Variants in PTPRT observed in about 807,000 individuals in gnomAD.
PTPRT encodes the protein receptor-type tyrosine-protein phosphatase T.
PTPRT carries 56 observed loss-of-function variants against 176.8 expected under a neutral mutation model. The ratio of observed to expected loss-of-function variants is 0.32; its 90% CI spans 0.26 to 0.40. The LOEUF is 0.40. PTPRT is among the 10% of genes least tolerant of loss of function. The probability of loss-of-function intolerance (pLI) is 1.00; values close to 1 mark genes in which losing one functional copy is unlikely to be tolerated. For synonymous variants in PTPRT, 783 were observed against 739.0 expected, an observed-to-expected ratio of 1.06 and a Z score of -0.96; for missense variants, 1,540 against 1,908.2, an observed-to-expected ratio of 0.81 and a Z score of 3.60.
At chr20:42,666,977 G>GCCTTT (rs2075327805) in intron 7 of PTPRT, among the ~76,000 whole-genome samples, 1 of 152,144 alleles carries the variant, frequency 6.6e-6, no homozygotes, top group East Asian at 1.9e-4. Flanking sequence ...ATAAGAAGGT[G>GCCTTT]CCTTTCCATT....
intron 7 of PTPRT, among the ~76,000 whole-genome samples, chr20:42,619,096 G>A (rs2074138374): frequency 6.6e-6 from 1 of 151,078 alleles, no homozygotes; most frequent in South Asian, 2.1e-4. Context: ...TCCTTTCCAT[G>A]TTTAGCGCTT....
At chr20:42,966,583 A>T (rs1361010531) in intron 1 of PTPRT, among the ~76,000 whole-genome samples, 5 of 152,212 alleles carry the variant, frequency 3.3e-5, no homozygotes, top group Non-Finnish European at 7.3e-5. Flanking sequence ...AACTCTGAGA[A>T]CATACACCCA....
chr20:42,287,650 T>C (rs1191416771), intron 12 of PTPRT, among the ~76,000 whole-genome samples: 2 of 151,948 alleles, frequency 1.3e-5, no homozygotes, highest in Admixed American at 6.6e-5. Context: ...TAAGTTCTAG[T>C]GTTCTGTAGC....
In PTPRT at chr20:42,199,385, C is replaced by G; in HGVS notation, c.2346G>C (p.Lys782Asn). 6.2e-7 allele frequency: 1 copy of G among 1,613,610 alleles called. No homozygotes were observed. The highest frequency in any genetic ancestry group is 8.5e-7 in the Non-Finnish European group (1 of 1,179,810). ...GGGTCTCCTTCTGCTTCTTGGCCAG[C>G]TTCCTTTGGGACATGTGCAAGGGGA... is the stretch of plus-strand genomic sequence containing the variant. ...RNAYSYSYYL[K>N]LAKKQKETQS... The change falls in exon 16 of 31, where the codon AAG becomes AAC. Residue 782 changes from lysine to asparagine, a missense_variant. Around this residue, in one of 11 missense-constraint regions of PTPRT, gnomAD observed 255 missense variants for 250.1 expected, o/e 1.02. Transcript: ENST00000373187.
At chr20:42,436,166 T>A (rs916694698) in intron 9 of PTPRT, among the ~76,000 whole-genome samples, 1 of 152,214 alleles carries the variant, frequency 6.6e-6, no homozygotes, top group Admixed American at 6.5e-5. Flanking sequence ...ATATAGGCAA[T>A]CATCTTTCTC....
intron 11 of PTPRT, among the ~76,000 whole-genome samples, chr20:42,321,854 C>T (rs8124605): frequency 2.6e-5 from 4 of 151,990 alleles, no homozygotes; most frequent in African/African-American, 4.8e-5. Context: ...GAGGCCAAGG[C>T]GGGTGGATCA....
At chr20:42,395,464 T>C (rs1319865701) in intron 9 of PTPRT, among the ~76,000 whole-genome samples, 3 of 152,164 alleles carry the variant, frequency 2.0e-5, no homozygotes, top group Non-Finnish European at 4.4e-5. Context: ...TCCCTTTCCA[T>C]TGGATCATTT....
At chr20:42,117,622 G>C (rs577163417) in intron 21 of PTPRT, among the ~76,000 whole-genome samples, 1 of 152,236 alleles carries the variant, frequency 6.6e-6, no homozygotes, top group South Asian at 2.1e-4. Context: ...GATGAGAAGA[G>C]AGAAGTGGAG....
intron 7 of PTPRT, among the ~76,000 whole-genome samples, chr20:42,673,213 T>G (rs1374772264): frequency 1.3e-5 from 2 of 152,094 alleles, no homozygotes; most frequent in African/African-American, 2.4e-5. Flanking sequence ...CTATTCTGAG[T>G]CTCAGTTTTC....
chr20:43,005,001 C>A (rs946189988), intron 1 of PTPRT, among the ~76,000 whole-genome samples: 6 of 152,122 alleles, frequency 3.9e-5, no homozygotes, highest in African/African-American at 1.4e-4. Context: ...AGATCCAAGG[C>A]TGCCTATGTG....
At chr20:42,604,216 C>T (rs1270118573) in intron 7 of PTPRT, among the ~76,000 whole-genome samples, 6 of 152,114 alleles carry the variant, frequency 3.9e-5, no homozygotes, top group East Asian at 1.9e-4. Flanking sequence ...CTCCATTTGT[C>T]CCCCCGCTCT....
At chr20:42,152,506 C>T (rs1989180294) in intron 17 of PTPRT, among the ~76,000 whole-genome samples, 1 of 152,222 alleles carries the variant, frequency 6.6e-6, no homozygotes, top group African/African-American at 2.4e-5. Flanking sequence ...TGCATGTCTG[C>T]ATGTAGACTC....
chr20:42,123,795 G>GTC (rs1452588758), intron 19 of PTPRT, among the ~76,000 whole-genome samples: 4 of 152,156 alleles, frequency 2.6e-5, no homozygotes, highest in Admixed American at 2.6e-4. Context: ...TGTCAATCAC[G>GTC]TCTGTGGAGA....
chr20:42,587,485 G>C (rs1209739214), intron 7 of PTPRT, among the ~76,000 whole-genome samples: 1 of 152,218 alleles, frequency 6.6e-6, no homozygotes, highest in Non-Finnish European at 1.5e-5. Context: ...TCTCACCACA[G>C]AGCAAGCCCT....
chr20:42,396,216 T>C (rs564766946), intron 9 of PTPRT, among the ~76,000 whole-genome samples: 1 of 152,310 alleles, frequency 6.6e-6, no homozygotes, highest in African/African-American at 2.4e-5. Context: ...CTAAAATACC[T>C]GGGGTCATTT....
intron 1 of PTPRT, among the ~76,000 whole-genome samples, chr20:42,964,062 T>G (rs542675040): frequency 6.6e-6 from 1 of 152,082 alleles, no homozygotes; most frequent in Non-Finnish European, 1.5e-5. Context: ...TGCCAGCCCC[T>G]GCAACCTACT....
chr20:42,309,015 G>C (rs1381624878), intron 12 of PTPRT, among the ~76,000 whole-genome samples: 4 of 152,182 alleles, frequency 2.6e-5, no homozygotes, highest in Non-Finnish European at 5.9e-5. Context: ...GTAGGAGAGA[G>C]AGAACAATCA....
At chr20:43,073,593 GCT>G (rs1170649542) in intron 1 of PTPRT, among the ~76,000 whole-genome samples, 2 of 150,534 alleles carry the variant, frequency 1.3e-5, no homozygotes, top group East Asian at 4.0e-4. Flanking sequence ...AAAAGTAATT[GCT>G]GTTTTTGCCA....
At chr20:42,365,996 C>A (rs1000154564) in intron 9 of PTPRT, among the ~76,000 whole-genome samples, 1 of 152,212 alleles carries the variant, frequency 6.6e-6, no homozygotes, top group Non-Finnish European at 1.5e-5. Context: ...TCACCTGCAG[C>A]CAGTTGCCAG....
Sources: gnomAD v4.1 joint callset for allele counts (sites outside exome capture counted in the v4.1 genomes callset) on GRCh38, gnomAD v4.1.1 for gene constraint, gnomAD v4.1.1 regional missense constraint, MANE v1.5 for transcripts, NCBI Gene and HGNC (gene_info 2026-07-23, HGNC 2026-07-21) for gene names.